The following PITPNC1 variants were observed in gnomAD, a reference collection of about 807,000 sequenced individuals.
PITPNC1 encodes cytoplasmic phosphatidylinositol transfer protein 1.
Under a neutral mutation model 44.7 loss-of-function variants are expected in PITPNC1, and 18 were observed. That is an observed-to-expected ratio of 0.40 (90% CI 0.28 to 0.60). The LOEUF (loss-of-function observed/expected upper bound fraction) is 0.60, where lower values mean the gene tolerates loss of function less well. Among genes scored for constraint, PITPNC1 ranks in the 20% least tolerant of loss-of-function variants. The pLI, the probability that PITPNC1 is intolerant of heterozygous loss-of-function variation, is 0.39. For missense variants in PITPNC1, 290 were observed against 418.4 expected (o/e 0.69, Z 2.68); for synonymous variants, 141 against 149.6 (o/e 0.94, Z 0.42).
intron 5 of PITPNC1, among the ~76,000 whole-genome samples, chr17:67,607,809 A>C (rs1340048520): frequency 6.6e-6 from 1 of 150,670 alleles, no homozygotes; most frequent in African/African-American, 2.4e-5. Context: ...GCTCACTGCA[A>C]CCTCTGCCTC....
At chr17:67,534,204 A>G (rs1309734435) in intron 2 of PITPNC1, among the ~76,000 whole-genome samples, 1 of 151,622 alleles carries the variant, frequency 6.6e-6, no homozygotes, top group Non-Finnish European at 1.5e-5. Flanking sequence ...CTTTCTTGCT[A>G]TTTTCTTACT....
At chr17:67,615,569 G>T (rs1438450909) in intron 5 of PITPNC1, among the ~76,000 whole-genome samples, 2 of 152,160 alleles carry the variant, frequency 1.3e-5, no homozygotes, top group Non-Finnish European at 2.9e-5. Flanking sequence ...CTGCCTGTTT[G>T]TGCAAAGAAT....
rs141283889 is a variant in PITPNC1 at position 67,497,246 on chromosome 17, G to A, written c.49-35556G>A. On this transcript the variant is annotated intron_variant, in intron 1 of 8. Coordinates refer to ENST00000581322, the MANE Select transcript of PITPNC1 (RefSeq NM_012417.4). The stretch of plus-strand genomic sequence containing the variant: ...TCCTTTTTTTTTTTTTTGAGACGGC[G>A]TCTCATTCAGTCGCCCAGGCTGGAG... Among the ~76,000 whole-genome samples the A allele has an allele frequency of 5.1e-3, 758 of 148,728 alleles. 7 individuals carry two copies. The highest frequency in any genetic ancestry group is 0.018 in the African/African-American group (720 of 40,266).
intron 1 of PITPNC1, among the ~76,000 whole-genome samples, chr17:67,505,484 G>A (rs77535066): frequency 0.03 from 4,508 of 152,100 alleles, 122 homozygotes; most frequent in African/African-American, 0.075. Context: ...CTTTATCTCT[G>A]GTACCATTTT....
At chr17:67,529,597 C>T (rs1023829219) in intron 1 of PITPNC1, among the ~76,000 whole-genome samples, 2 of 152,302 alleles carry the variant, frequency 1.3e-5, no homozygotes, top group Non-Finnish European at 1.5e-5. Context: ...GCACCTGTTG[C>T]ATGAGTTGAC....
chr17:67,543,948 T>C (rs2040642680), intron 2 of PITPNC1, among the ~76,000 whole-genome samples: 1 of 152,148 alleles, frequency 6.6e-6, no homozygotes, highest in South Asian at 2.1e-4. Context: ...CCTCCCAGGT[T>C]CAAGCGATTC....
At chr17:67,497,265 G>C (rs1334731460) in intron 1 of PITPNC1, among the ~76,000 whole-genome samples, 1 of 150,946 alleles carries the variant, frequency 6.6e-6, no homozygotes, top group African/African-American at 2.4e-5. Context: ...AGTCGCCCAG[G>C]CTGGAGTGCA....
chr17:67,477,447 G>A (rs2039646349), intron 1 of PITPNC1, among the ~76,000 whole-genome samples: 2 of 152,060 alleles, frequency 1.3e-5, no homozygotes, highest in Admixed American at 6.6e-5. Flanking sequence ...GTTTCACTAT[G>A]TTGGTTAAAC....
intron 1 of PITPNC1, among the ~76,000 whole-genome samples, chr17:67,531,697 T>A (rs558640411): frequency 7.2e-5 from 11 of 152,228 alleles, no homozygotes; most frequent in Non-Finnish European, 1.6e-4. Flanking sequence ...CCCGCATCCC[T>A]GCAGATTGTT....
At chr17:67,528,947 G>A (rs2040425343) in intron 1 of PITPNC1, among the ~76,000 whole-genome samples, 2 of 152,056 alleles carry the variant, frequency 1.3e-5, no homozygotes, top group Admixed American at 6.6e-5. Flanking sequence ...CAGTTCCCAT[G>A]GCCACGACCA....
chr17:67,502,744 C>CATTGCATTGCATTGCATTGTATTGT (rs1313719754), intron 1 of PITPNC1, among the ~76,000 whole-genome samples: 1 of 137,826 alleles, frequency 7.3e-6, no homozygotes, highest in African/African-American at 2.9e-5. Context: ...CATTGCATTG[C>CATTGCATTGCATTGCATTGTATTGT]ATTGTATTGT....
At chr17:67,389,974 C>T (rs755854931) in intron 1 of PITPNC1, among the ~76,000 whole-genome samples, 19 of 152,018 alleles carry the variant, frequency 1.2e-4, no homozygotes, top group African/African-American at 4.1e-4. Flanking sequence ...CCACCGTGCC[C>T]GGCCAAAGCT....
chr17:67,555,128 A>C (rs548512498), intron 4 of PITPNC1, among the ~76,000 whole-genome samples: 47 of 152,346 alleles, frequency 3.1e-4, no homozygotes, highest in African/African-American at 1.1e-3. Context: ...TTTTAGAAGC[A>C]GGGGAACCTT....
intron 1 of PITPNC1, among the ~76,000 whole-genome samples, chr17:67,478,051 G>A (rs542858152): frequency 1.1e-4 from 17 of 152,208 alleles, no homozygotes; most frequent in African/African-American, 3.9e-4. Context: ...ATTACCTCTA[G>A]CTCAGACACT....
intron 5 of PITPNC1, among the ~76,000 whole-genome samples, chr17:67,602,047 A>G (rs947028347): frequency 6.6e-6 from 1 of 152,192 alleles, no homozygotes; most frequent in Non-Finnish European, 1.5e-5. Context: ...GGATTGCTTG[A>G]AAGTCTTGGC....
chr17:67,691,826 C>T (rs1301473106), intron 8 of PITPNC1, among the ~76,000 whole-genome samples: 1 of 152,092 alleles, frequency 6.6e-6, no homozygotes, highest in African/African-American at 2.4e-5. Context: ...GGCAACATAG[C>T]GAGACCCTGT....
intron 1 of PITPNC1, among the ~76,000 whole-genome samples, chr17:67,442,212 T>C (rs1229083051): frequency 2.8e-5 from 2 of 72,028 alleles, no homozygotes; most frequent in Non-Finnish European, 5.2e-5. Flanking sequence ...AGCATATATA[T>C]ATATATATAT....
Position 67,619,079 on chromosome 17 carries a change from T to A in PITPNC1, c.367-13064T>A, listed in dbSNP as rs533094158. 2.6e-4 allele frequency among the ~76,000 whole-genome samples: 39 copies of A among 151,672 alleles called. No individual in the cohort carries two copies. In the East Asian group the frequency reaches 7.4e-3, roughly 29 times the overall value. On this transcript the variant is annotated intron_variant, in intron 5 of 8. Coordinates refer to ENST00000581322, the MANE Select transcript of PITPNC1 (RefSeq NM_012417.4). ...GTCTCAAAAAAATAAAAAATAAAAA[T>A]AAAAAATAAAAACATCTAGTTCCTG... is the stretch of plus-strand genomic sequence containing the variant.
chr17:67,642,230 C>T lies in PITPNC1; in HGVS notation c.462+9992C>T, dbSNP rs113019405. Among the ~76,000 whole-genome samples, 167 of 152,188 alleles carry T rather than the reference C, an allele frequency of 1.1e-3. 1 individual carries two copies. Among genetic ancestry groups the T allele is most frequent in the African/African-American group, 3.8e-3 (159 of 41,512 alleles). On this transcript the variant is annotated intron_variant, in intron 6 of 8. Coordinates refer to ENST00000581322, the MANE Select transcript of PITPNC1 (RefSeq NM_012417.4). ...TGAATTTGGACTTTATTCTGCAGGTCGCAGAGAGTCTTCAAAGCAGGGGTC... is the reference window on the plus strand; with the variant it reads ...TGAATTTGGACTTTATTCTGCAGGTTGCAGAGAGTCTTCAAAGCAGGGGTC...
Sources: gnomAD v4.1 joint callset for allele counts (sites outside exome capture counted in the v4.1 genomes callset) on GRCh38, gnomAD v4.1.1 for gene constraint, MANE v1.5 for transcripts, NCBI Gene and HGNC (gene_info 2026-07-23, HGNC 2026-07-21) for gene names.